Variants in COL8A2 observed in about 807,000 individuals in gnomAD.
COL8A2 encodes collagen type VIII alpha 2 chain.
A neutral mutation model predicts 24.0 loss-of-function variants in COL8A2; 16 were observed. The observed-to-expected ratio is 0.67, with a 90% CI of 0.45 to 1.01. COL8A2 has a LOEUF of 1.01. Ranked by LOEUF, COL8A2 falls within the 50% of genes least tolerant of loss-of-function variation. The probability of loss-of-function intolerance (pLI) is 0.00; values close to 1 mark genes in which losing one functional copy is unlikely to be tolerated. For synonymous variants in COL8A2, 466 were observed against 424.5 expected (o/e 1.10, Z -1.20); for missense variants, 818 against 942.4 (o/e 0.87, Z 1.73).
At chr1:36,119,829 C>G (rs1464202921) in intron 1 of COL8A2, among the ~76,000 whole-genome samples, 1 of 152,166 alleles carries the variant, frequency 6.6e-6, no homozygotes, top group African/African-American at 2.4e-5. Flanking sequence ...ACCCCGCAAT[C>G]TAGGTTTCTC....
chr1:36,111,193 C>T lies in COL8A2; in HGVS notation c.-17+4515G>A, dbSNP rs912736707. On this transcript the variant is annotated intron_variant, in intron 2 of 3. Coordinates refer to ENST00000397799, the MANE Select transcript of COL8A2 (RefSeq NM_005202.4). ...CAGCCTCTCCATCCATATGTCCACA[C>T]GGGCCTGACCCCTCCCCAGCCACCC... 5.9e-4 allele frequency among the ~76,000 whole-genome samples: 89 copies of T among 152,126 alleles called. 1 individual carries two copies. Among genetic ancestry groups the T allele is most frequent in the Admixed American group, 4.6e-3 (70 of 15,268 alleles).
At chr1:36,117,036 C>T (rs1643882917) in intron 1 of COL8A2, among the ~76,000 whole-genome samples, 1 of 152,226 alleles carries the variant, frequency 6.6e-6, no homozygotes, top group Non-Finnish European at 1.5e-5. Context: ...GATGCCCAGC[C>T]AGCCCACCTG....
At chr1:36,107,445 T>C (rs1420277561) in intron 2 of COL8A2, among the ~76,000 whole-genome samples, 1 of 150,786 alleles carries the variant, frequency 6.6e-6, no homozygotes, top group African/African-American at 2.4e-5. Flanking sequence ...CACTCTGATG[T>C]AGTGCCATGG....
At chr1:36,124,030 C>T (rs550348731) in intron 1 of COL8A2, among the ~76,000 whole-genome samples, 21 of 152,248 alleles carry the variant, frequency 1.4e-4, no homozygotes, top group Admixed American at 9.8e-4. Context: ...TCCAGCTCCA[C>T]GGCCCCCAGA....
At position 36,107,424 on chromosome 1, in the gene COL8A2, G is replaced by A. The variant is rs530581585; in HGVS notation, c.-16-7166C>T. Among the ~76,000 whole-genome samples, 4 of 151,196 alleles carry A rather than the reference G, an allele frequency of 2.6e-5. No homozygotes were observed. In the South Asian group the frequency reaches 6.3e-4, roughly 24 times the overall value. On this transcript the variant is annotated intron_variant, in intron 2 of 3. Coordinates refer to ENST00000397799, the MANE Select transcript of COL8A2 (RefSeq NM_005202.4). ...GTCTCAAAAAAAAAAAAAGAACCCC[G>A]AGCTCCTAACCACTCTGATGTAGTG...
At chr1:36,109,353 T>C (rs1643806602) in intron 2 of COL8A2, among the ~76,000 whole-genome samples, 2 of 152,160 alleles carry the variant, frequency 1.3e-5, no homozygotes, top group South Asian at 4.1e-4. Flanking sequence ...TCTGTCTCTG[T>C]CATCACAACA....
intron 1 of COL8A2, among the ~76,000 whole-genome samples, chr1:36,120,356 A>G (rs1435180727): frequency 2.6e-5 from 4 of 151,992 alleles, no homozygotes; most frequent in Non-Finnish European, 5.9e-5. Flanking sequence ...GGGAGGCTGA[A>G]GCAGGAGAAT....
At position 36,099,500 on chromosome 1, in the gene COL8A2, G is replaced by GAA. The variant is rs1643642142; in HGVS notation, c.194-14_194-13insTT. 1 of 1,523,112 alleles carries GAA rather than the reference G, an allele frequency of 6.6e-7. No homozygotes were observed. Among genetic ancestry groups the GAA allele is most frequent in the South Asian group, 1.2e-5 (1 of 83,920 alleles). 94.3% of individuals were successfully genotyped at this position (1,523,112 alleles called of 1,614,324 possible). On this transcript the variant is annotated splice_polypyrimidine_tract_variant and intron_variant, in intron 3 of 3. Coordinates refer to ENST00000397799, the MANE Select transcript of COL8A2 (RefSeq NM_005202.4). ...GGTAGAGGCATTTCTGAGAAAGAAA[G>GAA]AGAAAGGGGCAGTCAGGGGCCTGAA...
At chr1:36,107,601 G>T (rs1346470513) in intron 2 of COL8A2, among the ~76,000 whole-genome samples, 1 of 152,180 alleles carries the variant, frequency 6.6e-6, no homozygotes, top group East Asian at 1.9e-4. Context: ...GGTGGAGCTG[G>T]GGAGTGCGCA....
intron 1 of COL8A2, among the ~76,000 whole-genome samples, chr1:36,116,320 G>A (rs1007974815): frequency 1.3e-5 from 2 of 152,210 alleles, no homozygotes; most frequent in African/African-American, 4.8e-5. Flanking sequence ...GATTCAAGGA[G>A]TTCCTACTGT....
At chr1:36,106,201 T>C (rs1643758236) in intron 2 of COL8A2, among the ~76,000 whole-genome samples, 2 of 150,684 alleles carry the variant, frequency 1.3e-5, no homozygotes, top group Non-Finnish European at 1.5e-5. Flanking sequence ...GGGGCAGAGG[T>C]TGCAGTGAGC....
chr1:36,102,503 T>A (rs1316798842), intron 2 of COL8A2, among the ~76,000 whole-genome samples: 1 of 152,006 alleles, frequency 6.6e-6, no homozygotes, highest in Middle Eastern at 3.2e-3. Context: ...GGTCTCACTG[T>A]GTTGCCTAGG....
Position 36,101,783 on chromosome 1 carries a change from C to T in COL8A2, c.-16-1525G>A, listed in dbSNP as rs114151165. ...TACAGGCTGGGCATGGTGGTGTATA[C>T]CTGTAGTCCCAGCTACTCAGGAGGC... On this transcript the variant is annotated intron_variant, in intron 2 of 3. Coordinates refer to ENST00000397799, the MANE Select transcript of COL8A2 (RefSeq NM_005202.4). 4.1e-3 allele frequency among the ~76,000 whole-genome samples: 626 copies of T among 152,312 alleles called. 2 individuals are homozygous for T. Among genetic ancestry groups the T allele is most frequent in the African/African-American group, 0.013 (556 of 41,560 alleles).
At chr1:36,121,917 G>A (rs1009764050) in intron 1 of COL8A2, among the ~76,000 whole-genome samples, 8 of 152,012 alleles carry the variant, frequency 5.3e-5, no homozygotes, top group Non-Finnish European at 1.2e-4. Flanking sequence ...AGCTGGGCCA[G>A]CAGTGCCACC....
Position 36,119,596 on chromosome 1 carries a change from G to A in COL8A2, c.-61-3844C>T, listed in dbSNP as rs571784124. Among the ~76,000 whole-genome samples, 155 of 152,344 alleles carry A rather than the reference G, an allele frequency of 1.0e-3. 1 individual carries two copies. The highest frequency in any genetic ancestry group is 9.0e-3 in the Admixed American group (137 of 15,304). ...AAGCAGCTGGATTTGCTGTGCTCCA[G>A]GAACTATGAAAAGAATGCTTGCCAT... On this transcript the variant is annotated intron_variant, in intron 1 of 3. Transcript: ENST00000397799.
At chr1:36,103,472 A>C (rs1643709137) in intron 2 of COL8A2, among the ~76,000 whole-genome samples, 1 of 150,456 alleles carries the variant, frequency 6.6e-6, no homozygotes, top group African/African-American at 2.5e-5. Context: ...TGGGGGTTTC[A>C]CTGTGTTAGC....
intron 2 of COL8A2, among the ~76,000 whole-genome samples, chr1:36,103,193 G>A (rs1044068474): frequency 1.3e-5 from 2 of 152,062 alleles, no homozygotes; most frequent in African/African-American, 4.8e-5. Context: ...TCAAACTCCT[G>A]GGCTCAAGCA....
rs1443358115 is a variant in COL8A2 at position 36,098,797 on chromosome 1, G to A, written c.884C>T (p.Ser295Leu). The A allele has an allele frequency of 2.5e-6, 4 of 1,612,054 alleles. No homozygotes were observed. The highest frequency in any genetic ancestry group is 1.3e-5 in the African/African-American group (1 of 74,816). The change falls in exon 4 of 4, where the codon TCA becomes TTA. Residue 295 changes from serine (S) to leucine (L), a missense_variant. Ser to Leu is a moderately radical substitution (Grantham distance 145, BLOSUM62 -2). Coordinates refer to ENST00000397799, the MANE Select transcript of COL8A2 (RefSeq NM_005202.4). ...GGTCCCTGGCTCCCCTTTGGCCCCT[G>A]ATGGGCCCTGTGGTCCTGGCAACCC... Reference protein sequence around the residue: ...AAGLPGPQGPSGAKGEPGTRG... With the variant: ...AAGLPGPQGPLGAKGEPGTRG...
At chr1:36,102,671 GTTTTTT>G (rs71053904) in intron 2 of COL8A2, among the ~76,000 whole-genome samples, 1 of 122,376 alleles carries the variant, frequency 8.2e-6, no homozygotes, top group Admixed American at 9.9e-5. Flanking sequence ...CTGGTTTTTT[GTTTTTT>G]TTTTTTTTTT....
Sources: allele counts gnomAD v4.1 joint callset (sites outside exome capture counted in the v4.1 genomes callset), GRCh38; gene constraint gnomAD v4.1.1; transcripts MANE v1.5; gene names NCBI Gene and HGNC (gene_info 2026-07-23, HGNC 2026-07-21).